The following NRXN2 variants were observed in gnomAD, a reference collection of about 807,000 sequenced individuals.
The protein encoded by NRXN2 is neurexin 2, also known as neurexin-2-beta.
Under a neutral mutation model 128.8 loss-of-function variants are expected in NRXN2, and 29 were observed. The ratio of observed to expected loss-of-function variants is 0.23; its 90% CI spans 0.17 to 0.31. The LOEUF is 0.31. Ranked by LOEUF, NRXN2 falls within the 10% of genes least tolerant of loss-of-function variation. The pLI is 1.00. For synonymous variants in NRXN2, 1,098 were observed against 1,075.2 expected (o/e 1.02, Z -0.41); for missense variants, 1,881 against 2,452.6 (o/e 0.77, Z 4.92).
intron 1 of NRXN2, among the ~76,000 whole-genome samples, chr11:64,719,870 G>A (rs138904750): frequency 6.6e-6 from 1 of 152,314 alleles, no homozygotes; most frequent in African/African-American, 2.4e-5. Context: ...GTGCGCGTGT[G>A]TGTGCGTGCA....
At chr11:64,722,625 A>C in intron 1 of NRXN2, among the ~76,000 whole-genome samples, 1 of 151,086 alleles carries the variant, frequency 6.6e-6, no homozygotes, top group African/African-American at 2.4e-5. Flanking sequence ...GCGCTGCTTC[A>C]AGCCTCTGGG....
chr11:64,690,244 G>C (rs545563638), intron 5 of NRXN2, among the ~76,000 whole-genome samples, 161 bp downstream of exon 5: 6 of 152,186 alleles, frequency 3.9e-5, no homozygotes, highest in Admixed American at 6.5e-5. Flanking sequence ...CAGCTAATGG[G>C]GCCTTTGGAA....
At chr11:64,718,042 G>A (rs1209187528) in intron 1 of NRXN2, among the ~76,000 whole-genome samples, 2 of 152,146 alleles carry the variant, frequency 1.3e-5, no homozygotes, top group Non-Finnish European at 2.9e-5. Flanking sequence ...GTCCCAGGGA[G>A]GGGCAGTGAG....
Position 64,713,682 on chromosome 11 carries a change from C to G in NRXN2, c.18G>C (p.Arg6=). Residue 6 remains arginine (R), a synonymous_variant, in exon 2 of 23, where the codon CGG becomes CGC. Coordinates refer to ENST00000265459, the MANE Select transcript of NRXN2 (RefSeq NM_015080.4). ...GCAGCGGCGGCGGTGTCGGCCGCCA[C>G]CGGCTCCCGGACGCCATGCCTACGG... MASGS[R]WRPTPPPLLL... 1.8e-6 allele frequency: 2 copies of G among 1,142,222 alleles called. No homozygotes were observed. The highest frequency in any genetic ancestry group is 2.1e-6 in the Non-Finnish European group (2 of 933,432). 70.8% of individuals were successfully genotyped at this position (1,142,222 alleles called of 1,614,324 possible). A position where few individuals can be genotyped will look rare whatever the true frequency, so the allele number is the denominator to read the frequency against.
intron 17 of NRXN2, chr11:64,642,898 C>G (rs1460898630): frequency 9.7e-7 from 1 of 1,030,970 alleles, no homozygotes; most frequent in African/African-American, 1.7e-5. Context: ...CTCCGAGCTC[C>G]GGGAGCGGGG....
At chr11:64,703,263 G>C (rs188070937) in intron 2 of NRXN2, among the ~76,000 whole-genome samples, 6 of 152,206 alleles carry the variant, frequency 3.9e-5, no homozygotes, top group Non-Finnish European at 8.8e-5. Context: ...GCATTCTCCT[G>C]TTTGTTGAGT....
Position 64,660,514 on chromosome 11 carries a change from T to C in NRXN2, c.2207A>G (p.Asp736Gly), listed in dbSNP as rs1332699677. The C allele has an allele frequency of 3.7e-6, 6 of 1,614,076 alleles. No homozygotes were observed. Among genetic ancestry groups the C allele is most frequent in the East Asian group, 2.2e-5 (1 of 44,870 alleles). Residue 736 changes from aspartate (D) to glycine (G), a missense_variant, in exon 11 of 23, where the codon GAT becomes GGT. Physicochemically the swap from Asp to Gly is moderately conservative, Grantham distance 94. Transcript: ENST00000265459. This position sits in a 1 kb window ranked among gnomAD's most constrained non-coding sequence, Gnocchi z 5.2. ...CEREATVLSY[D>G]GSMYMKIMLP... is the part of the protein sequence containing the mutation. ...CATGATCTTCATGTACATGGAGCCATCGTAGCTCAGGACCGTGGCCTCTGC... is the reference window on the plus strand; with the variant it reads ...CATGATCTTCATGTACATGGAGCCACCGTAGCTCAGGACCGTGGCCTCTGC...
chr11:64,642,471 C>T, intron 17 of NRXN2: 1 of 1,530,294 alleles, frequency 6.5e-7, no homozygotes, highest in South Asian at 1.2e-5. Context: ...GGGGGCCCAG[C>T]TGCGCACACG....
intron 17 of NRXN2, among the ~76,000 whole-genome samples, chr11:64,637,735 GA>G (rs2044972749): frequency 6.6e-6 from 1 of 152,114 alleles, no homozygotes; most frequent in African/African-American, 2.4e-5. Flanking sequence ...ACCAGGGAAG[GA>G]AACCAAGTCT....
intron 6 of NRXN2, among the ~76,000 whole-genome samples, chr11:64,684,074 G>C (rs2135560431): frequency 6.6e-6 from 1 of 152,318 alleles, no homozygotes; most frequent in Admixed American, 6.5e-5. Flanking sequence ...TGGAAGGGCA[G>C]GGACCATGTC....
In NRXN2 at chr11:64,713,509, G is replaced by C. The variant is rs750652259; in HGVS notation, c.191C>G (p.Ala64Gly). Residue 64 changes from alanine to glycine, a missense_variant, in exon 2 of 23, where the codon GCG (alanine) becomes GGG (glycine). Around this residue, in one of 7 missense-constraint regions of NRXN2, gnomAD observed 997 missense variants for 1,240.8 expected, o/e 0.80. Coordinates refer to ENST00000265459, the MANE Select transcript of NRXN2 (RefSeq NM_015080.4). ...SFSLRTNATR[A>G]LLLYLDDGGD... ...GCCGTCGTCCAGGTAGAGCAGCAGC[G>C]CGCGCGTGGCGTTGGTGCGCAGGCT... 3.2e-5 allele frequency: 48 copies of C among 1,516,118 alleles called. 1 individual carries two copies. Among genetic ancestry groups the C allele is most frequent in the Non-Finnish European group, 4.2e-5 (48 of 1,140,810 alleles). The allele number at this position is 1,516,118 out of a possible 1,614,324, so 93.9% of individuals were successfully genotyped here.
chr11:64,633,354 T>G (rs948338), intron 18 of NRXN2, among the ~76,000 whole-genome samples: 149,619 of 152,300 alleles, frequency 0.98, 73,551 homozygotes, highest in Middle Eastern at 1. Context: ...CTCCCTACGT[T>G]CTTCACATAA....
In NRXN2 at chr11:64,606,998, C is replaced by G. The variant is rs545502255; in HGVS notation, c.*198G>C. On this transcript the variant is annotated 3_prime_UTR_variant, in exon 23 of 23. Coordinates refer to ENST00000265459, the MANE Select transcript of NRXN2 (RefSeq NM_015080.4). ...GAGGGACAGTCAGCCCCGGGACTGA[C>G]GAGGCCGCGCAGTGGACGGCAGGAG... The G allele has an allele frequency of 8.0e-4, 492 of 612,306 alleles. No homozygotes were observed. Among genetic ancestry groups the G allele is most frequent in the Non-Finnish European group, 1.2e-3 (426 of 352,614 alleles). The allele number at this position is 612,306 out of a possible 1,614,324, so 37.9% of individuals were successfully genotyped here.
In NRXN2 at chr11:64,660,404, T is replaced by C. The variant is rs1173710048; in HGVS notation, c.2317A>G (p.Thr773Ala). Reference protein sequence around the residue: ...QRAYGLMMATTSRESADTLRL... With the variant: ...QRAYGLMMATASRESADTLRL... ...AGGGTGTCGGCAGACTCCCTGGAAG[T>C]GGTGGCCATCATGAGTCCGTAGGCC... Residue 773 changes from threonine to alanine, a missense_variant, in exon 11 of 23, where the codon ACT becomes GCT. Coordinates refer to ENST00000265459, the MANE Select transcript of NRXN2 (RefSeq NM_015080.4). The surrounding 1 kb of genome is among the most constrained non-coding windows in gnomAD (Gnocchi z 5.2). The C allele has an allele frequency of 6.2e-7, 1 of 1,614,148 alleles. No homozygotes were observed. Among genetic ancestry groups the C allele is most frequent in the Admixed American group, 1.7e-5 (1 of 60,034 alleles).
intron 2 of NRXN2, among the ~76,000 whole-genome samples, chr11:64,705,806 C>T (rs186249129): frequency 6.6e-6 from 1 of 151,058 alleles, no homozygotes; most frequent in Non-Finnish European, 1.5e-5. Flanking sequence ...TCCAACCGTG[C>T]AGACCTGAAA....
intron 1 of NRXN2, among the ~76,000 whole-genome samples, chr11:64,719,613 G>A (rs2057382150): frequency 6.6e-6 from 1 of 152,218 alleles, no homozygotes; most frequent in African/African-American, 2.4e-5. Context: ...AAGCGGGTGG[G>A]CTGGGGACAG....
chr11:64,722,057 C>T (rs2057447178), intron 1 of NRXN2, among the ~76,000 whole-genome samples: 1 of 152,090 alleles, frequency 6.6e-6, no homozygotes, highest in Admixed American at 6.5e-5. Context: ...ATCAAGGGTT[C>T]AAGGGCTCAT....
chr11:64,635,586 C>A lies in NRXN2; in HGVS notation c.3404-134G>T. 2 of 995,582 alleles carry A rather than the reference C, an allele frequency of 2.0e-6. No homozygotes were observed. The highest frequency in any genetic ancestry group is 3.1e-6 in the Non-Finnish European group (2 of 655,086). The allele number at this position is 995,582 out of a possible 1,614,324, so 61.7% of individuals were successfully genotyped here. ...ACTTCAGCTGTGATACCCACAGCAG[C>A]CACCAGCCCTGCCACCCCAGGGAGA... On this transcript the variant is annotated intron_variant, in intron 17 of 22. Coordinates refer to ENST00000265459, the MANE Select transcript of NRXN2 (RefSeq NM_015080.4). The surrounding 1 kb of genome is among the most constrained non-coding windows in gnomAD (Gnocchi z 4.8).
rs73492144 is a variant in NRXN2 at position 64,622,415 on chromosome 11, A to G, written c.4173+338T>C. 0.064 allele frequency among the ~76,000 whole-genome samples: 9,801 copies of G among 152,238 alleles called. 1,088 individuals carry two copies. The highest frequency in any genetic ancestry group is 0.22 in the African/African-American group (9,267 of 41,496). On this transcript the variant is annotated intron_variant, in intron 21 of 22. Transcript: ENST00000265459. The surrounding 1 kb of genome is among the most constrained non-coding windows in gnomAD (Gnocchi z 4.3). ...CTTCACTGGGGAAGCAGAAGGAGCCATCCTACTCTCACCCCAAGTCCAGAC... is the reference window on the plus strand; with the variant it reads ...CTTCACTGGGGAAGCAGAAGGAGCCGTCCTACTCTCACCCCAAGTCCAGAC...
Sources: allele counts gnomAD v4.1 joint callset (sites outside exome capture counted in the v4.1 genomes callset), GRCh38; gene constraint gnomAD v4.1.1; regional missense constraint gnomAD v4.1.1; non-coding constraint Gnocchi (gnomAD v3.1); transcripts MANE v1.5; gene names NCBI Gene and HGNC (gene_info 2026-07-23, HGNC 2026-07-21).